The following ZNF613 variants were observed in gnomAD, a reference collection of about 807,000 sequenced individuals.
ZNF613 encodes the protein zinc finger protein 613.
Under a neutral mutation model 14.3 loss-of-function variants are expected in ZNF613, and 8 were observed. The ratio of observed to expected loss-of-function variants is 0.56; its 90% CI spans 0.33 to 1.01. The LOEUF (loss-of-function observed/expected upper bound fraction) is 1.01. Ranked by LOEUF, ZNF613 falls within the 50% of genes least tolerant of loss-of-function variation. The probability of loss-of-function intolerance (pLI) is 0.03; values close to 1 mark genes in which losing one functional copy is unlikely to be tolerated. For synonymous variants in ZNF613, 228 were observed against 254.5 expected (o/e 0.90, Z 0.99); for missense variants, 656 against 741.9 (o/e 0.88, Z 1.35).
chr19:51,933,136 GTCT>G (rs991402734), intron 2 of ZNF613, among the ~76,000 whole-genome samples: 2 of 152,200 alleles, frequency 1.3e-5, no homozygotes, highest in Non-Finnish European at 2.9e-5. Context: ...ACGTTTTAGA[GTCT>G]TCTTAGGTCT....
At position 51,944,311 on chromosome 19, in the gene ZNF613, T is replaced by C; in HGVS notation, c.428T>C (p.Val143Ala). 1 of 1,594,994 alleles carries C rather than the reference T, an allele frequency of 6.3e-7. No homozygotes were observed. Among genetic ancestry groups the C allele is most frequent in the South Asian group, 1.1e-5 (1 of 88,854 alleles). ...ATACTGAAATCAAATTTAAGTTTAG[T>C]CAACCAGAACAAAAGGTATGAAATC... is the stretch of plus-strand genomic sequence containing the variant. ...GKILKSNLSLVNQNKRYEIKN... is the reference protein window; with the variant it reads ...GKILKSNLSLANQNKRYEIKN... The change falls in exon 6 of 6, where the codon GTC (valine) becomes GCC (alanine). Residue 143 changes from valine (V) to alanine (A), a missense_variant. Physicochemically the swap from Val to Ala is moderately conservative, Grantham distance 64. Transcript: ENST00000293471.
chr19:51,938,498 G>C (rs2085321582), intron 3 of ZNF613, among the ~76,000 whole-genome samples: 1 of 151,882 alleles, frequency 6.6e-6, no homozygotes, highest in Admixed American at 6.6e-5. Context: ...GACTTTCTAA[G>C]GTTCTCTGTA....
At chr19:51,940,389 T>C in intron 4 of ZNF613, 54 bp downstream of exon 4, 1 of 1,612,360 alleles carries the variant, frequency 6.2e-7, no homozygotes, top group Non-Finnish European at 8.5e-7. Flanking sequence ...AGGCCTTTGC[T>C]TTCTCAGCTT....
At chr19:51,940,837 C>A (rs892797551) in intron 5 of ZNF613, 128 bp downstream of exon 5, 3 of 505,616 alleles carry the variant, frequency 5.9e-6, no homozygotes, top group Non-Finnish European at 9.9e-6. Context: ...CCTCTCCCCA[C>A]ACAAAAGCTC....
chr19:51,945,578 T>A lies in ZNF613; in HGVS notation c.1695T>A (p.Asp565Glu). The A allele has an allele frequency of 6.2e-7, 1 of 1,614,130 alleles. No individual in the cohort carries two copies. The highest frequency in any genetic ancestry group is 8.5e-7 in the Non-Finnish European group (1 of 1,180,016). The stretch of plus-strand genomic sequence containing the variant: ...CACATACACGTGATCTCATACAGGA[T>A]AAAGACTCTGTTAACATGGTGACTC... ...SLSHTRDLIQ[D>E]KDSVNMVTLQ... Residue 565 changes from aspartate to glutamate, a missense_variant, in exon 6 of 6, where the codon GAT becomes GAA. By Grantham distance (45) the Asp-to-Glu change is conservative. Transcript: ENST00000293471.
In ZNF613 at chr19:51,945,080, C is replaced by T; in HGVS notation, c.1197C>T (p.Pro399=). Residue 399 remains proline (P), a synonymous_variant, in exon 6 of 6, where the codon CCC becomes CCT. Transcript: ENST00000293471. Reference sequence around the variant, plus strand: ...AGCGAATTCATACTGGAGAAAAACCCTATATATGCAATGAATGTGGAAAAG... The same window carrying T: ...AGCGAATTCATACTGGAGAAAAACCTTATATATGCAATGAATGTGGAAAAG... ...VHQRIHTGEK[P]YICNECGKGF... 5 of 1,614,024 alleles carry T rather than the reference C, an allele frequency of 3.1e-6. No homozygotes were observed. Among genetic ancestry groups the T allele is most frequent in the Non-Finnish European group, 4.2e-6 (5 of 1,179,988 alleles).
At chr19:51,932,595 C>T (rs1039072582) in intron 2 of ZNF613, among the ~76,000 whole-genome samples, 1 of 152,096 alleles carries the variant, frequency 6.6e-6, no homozygotes. Flanking sequence ...CCGCACCAGG[C>T]CAGTGTGCTG....
Position 51,944,713 on chromosome 19 carries a change from C to T in ZNF613, c.830C>T (p.Ala277Val). Residue 277 changes from alanine (A) to valine (V), a missense_variant, in exon 6 of 6, where the codon GCA (alanine) becomes GTA (valine). Physicochemically the swap from Ala to Val is moderately conservative, Grantham distance 64. Coordinates refer to ENST00000293471, the MANE Select transcript of ZNF613 (RefSeq NM_001031721.4). ...TTCCGCTGGAAATCACAGCTCAATG[C>T]ACACCAGAAAATTCATACAGGAGAG... ...KAFRWKSQLN[A>V]HQKIHTGEKS... The T allele has an allele frequency of 6.2e-7, 1 of 1,613,612 alleles. No homozygotes were observed. The highest frequency in any genetic ancestry group is 1.3e-5 in the African/African-American group (1 of 74,808).
At chr19:51,936,256 G>A (rs369636678) in intron 3 of ZNF613, 21 bp downstream of exon 3, 117 of 1,603,044 alleles carry the variant, frequency 7.3e-5, no homozygotes, top group Non-Finnish European at 9.9e-5. Context: ...GTTTGTTTTA[G>A]TCTTTCCTTC....
At position 51,944,757 on chromosome 19, in the gene ZNF613, G is replaced by A. The variant is rs1447670858; in HGVS notation, c.874G>A (p.Asp292Asn). The A allele has an allele frequency of 1.2e-6, 2 of 1,613,482 alleles. No individual in the cohort carries two copies. The highest frequency in any genetic ancestry group is 1.7e-6 in the Non-Finnish European group (2 of 1,179,988). The change falls in exon 6 of 6, where the codon GAT becomes AAT. Residue 292 changes from aspartate (D) to asparagine (N), a missense_variant. By Grantham distance (23) the Asp-to-Asn change is conservative. Transcript: ENST00000293471. ...HTGEKSYICS[D>N]CGKGFIKKSR... ...AGGAGAGAAGTCATATATATGCAGT[G>A]ATTGTGGAAAAGGCTTCATCAAGAA...
At chr19:51,943,001 C>T (rs2085363266) in intron 5 of ZNF613, among the ~76,000 whole-genome samples, 1 of 152,092 alleles carries the variant, frequency 6.6e-6, no homozygotes. Context: ...CCGGCCATGA[C>T]TTGATTTTTT....
Position 51,936,171 on chromosome 19 carries a change from C to CT in ZNF613, c.-49dup, listed in dbSNP as rs1386067883. On this transcript the variant is annotated 5_prime_UTR_variant, in exon 3 of 6. Coordinates refer to ENST00000293471, the MANE Select transcript of ZNF613 (RefSeq NM_001031721.4). ...AAATTGAGGGCAGCTCAAGGAGAGACTACAGACACAGCATCCTACTTACTG... is the reference window on the plus strand; with the variant it reads ...AAATTGAGGGCAGCTCAAGGAGAGACTTACAGACACAGCATCCTACTTACTG... The CT allele has an allele frequency of 2.5e-6, 4 of 1,585,638 alleles. No individual in the cohort carries two copies. The highest frequency in any genetic ancestry group is 3.4e-6 in the Non-Finnish European group (4 of 1,166,048).
intron 2 of ZNF613, among the ~76,000 whole-genome samples, chr19:51,930,485 C>T (rs2085255929): frequency 1.3e-5 from 2 of 152,176 alleles, no homozygotes; most frequent in Non-Finnish European, 2.9e-5. Flanking sequence ...TGGTCTCAAA[C>T]TCCTGACCTC....
chr19:51,946,009 T>G lies in ZNF613; in HGVS notation c.*272T>G, dbSNP rs912067572. On this transcript the variant is annotated 3_prime_UTR_variant, in exon 6 of 6. Transcript: ENST00000293471. ...AAATATAATGATCATGGAAAAGTCCTTGTTCAGAAACAGTACGCCAGTAGG... is the reference window on the plus strand; with the variant it reads ...AAATATAATGATCATGGAAAAGTCCGTGTTCAGAAACAGTACGCCAGTAGG... 20 of 439,948 alleles carry G rather than the reference T, an allele frequency of 4.5e-5. No individual in the cohort carries two copies. Among genetic ancestry groups the G allele is most frequent in the Non-Finnish European group, 7.1e-5 (17 of 240,182 alleles). 27.3% of individuals were successfully genotyped at this position (439,948 alleles called of 1,614,324 possible).
At chr19:51,940,831 T>A in intron 5 of ZNF613, 122 bp downstream of exon 5, 1 of 551,202 alleles carries the variant, frequency 1.8e-6, no homozygotes. Context: ...TGTATCCCTC[T>A]CCCCACACAA....
Position 51,944,563 on chromosome 19 carries a change from C to T in ZNF613, c.680C>T (p.Thr227Ile). 1 of 1,614,192 alleles carries T rather than the reference C, an allele frequency of 6.2e-7. No homozygotes were observed. Among genetic ancestry groups the T allele is most frequent in the Non-Finnish European group, 8.5e-7 (1 of 1,180,044 alleles). ...CTCATCTATCATCAGAGAGTTCACA[C>T]TGGGGAGAAACCTCATGGATGCAGT... The part of the protein sequence containing the change: ...SRLIYHQRVH[T>I]GEKPHGCSIC... The change falls in exon 6 of 6, where the codon ACT becomes ATT. Residue 227 changes from threonine to isoleucine, a missense_variant. Coordinates refer to ENST00000293471, the MANE Select transcript of ZNF613 (RefSeq NM_001031721.4).
rs758001588 is a variant in ZNF613 at position 51,945,168 on chromosome 19, G to A, written c.1285G>A (p.Val429Ile). 6 of 1,614,122 alleles carry A rather than the reference G, an allele frequency of 3.7e-6. No individual in the cohort carries two copies. In the South Asian group the frequency reaches 6.6e-5, roughly 18 times the overall value. ...RRTHTGEKPY[V>I]CNECGKGFSQ... is the part of the protein sequence containing the mutation. ...TACTCACACTGGAGAGAAACCCTAT[G>A]TATGCAATGAATGTGGGAAAGGCTT... Residue 429 changes from valine to isoleucine, a missense_variant, in exon 6 of 6, where the codon GTA becomes ATA. Val to Ile is a conservative substitution (Grantham distance 29). Transcript: ENST00000293471.
At chr19:51,940,477 A>C in intron 4 of ZNF613, 140 bp from the exon 5 acceptor site, 1 of 1,507,272 alleles carries the variant, frequency 6.6e-7, no homozygotes, top group Non-Finnish European at 9.1e-7. Context: ...AAAGAGTGTA[A>C]TGTGCCCCCT....
intron 3 of ZNF613, among the ~76,000 whole-genome samples, chr19:51,939,297 C>CT (rs1427028686): frequency 6.6e-6 from 1 of 151,270 alleles, no homozygotes; most frequent in African/African-American, 2.4e-5. Context: ...TTTGTATTTT[C>CT]TTTTTTATTA....
Sources: allele counts gnomAD v4.1 joint callset (sites outside exome capture counted in the v4.1 genomes callset), GRCh38; gene constraint gnomAD v4.1.1; transcripts MANE v1.5; gene names NCBI Gene and HGNC (gene_info 2026-07-23, HGNC 2026-07-21).